The following ASTN2 variants were observed in gnomAD, a reference collection of about 807,000 sequenced individuals.
ASTN2 encodes the protein astrotactin 2.
Under a neutral mutation model 139.8 loss-of-function variants are expected in ASTN2, and 54 were observed. The ratio of observed to expected loss-of-function variants is 0.39; its 90% confidence interval spans 0.31 to 0.48. The LOEUF is 0.48. Among genes scored for constraint, ASTN2 ranks in the 20% least tolerant of loss-of-function variants. The pLI is 0.95. For synonymous variants in ASTN2, 756 were observed against 719.5 expected, an observed-to-expected ratio of 1.05 and a Z score of -0.81; for missense variants, 1,565 against 1,725.1, an observed-to-expected ratio of 0.91 and a Z score of 1.64.
intron 1 of ASTN2, among the ~76,000 whole-genome samples, chr9:117,328,719 T>A (rs1020786168): frequency 7.9e-5 from 12 of 152,198 alleles, no homozygotes; most frequent in African/African-American, 2.9e-4. Context: ...AGGCTAAAGC[T>A]GAATCAGGAC....
chr9:116,491,034 G>T (rs891695430), intron 19 of ASTN2, among the ~76,000 whole-genome samples: 1 of 152,200 alleles, frequency 6.6e-6, no homozygotes, highest in Non-Finnish European at 1.5e-5. Context: ...AGGTCAGTAA[G>T]ACTGGCATGA....
chr9:117,286,214 G>A (rs1834446099), intron 2 of ASTN2, among the ~76,000 whole-genome samples: 2 of 152,154 alleles, frequency 1.3e-5, no homozygotes, highest in South Asian at 4.1e-4. Context: ...AAATGCCAAT[G>A]TGACAATGGC....
intron 19 of ASTN2, among the ~76,000 whole-genome samples, chr9:116,549,365 G>A (rs1852241204): frequency 6.6e-6 from 1 of 152,136 alleles, no homozygotes; most frequent in Non-Finnish European, 1.5e-5. Flanking sequence ...ACTGAGGCAC[G>A]AGCAACTCGG....
At chr9:116,435,117 C>T (rs1847610682) in intron 22 of ASTN2, among the ~76,000 whole-genome samples, 1 of 152,180 alleles carries the variant, frequency 6.6e-6, no homozygotes, top group African/African-American at 2.4e-5. Context: ...TGTGTCTGTT[C>T]TCTGGTCTCT....
At chr9:116,873,139 T>C (rs1396565774) in intron 10 of ASTN2, among the ~76,000 whole-genome samples, 1 of 152,106 alleles carries the variant, frequency 6.6e-6, no homozygotes, top group Non-Finnish European at 1.5e-5. Flanking sequence ...CACTTAATCC[T>C]CCCCCAAAAC....
intron 20 of ASTN2, among the ~76,000 whole-genome samples, chr9:116,464,818 G>C (rs1014374356): frequency 1.3e-5 from 2 of 152,212 alleles, no homozygotes; most frequent in Admixed American, 1.3e-4. Flanking sequence ...TTGCCTATAG[G>C]GATCAACTTA....
chr9:117,216,396 C>A (rs905261247), intron 2 of ASTN2, among the ~76,000 whole-genome samples: 1 of 152,212 alleles, frequency 6.6e-6, no homozygotes, highest in African/African-American at 2.4e-5. Flanking sequence ...GTAGCAGGGG[C>A]CCAAGCCCTG....
At chr9:117,332,443 C>T (rs1477186919) in intron 1 of ASTN2, among the ~76,000 whole-genome samples, 6 of 152,090 alleles carry the variant, frequency 3.9e-5, no homozygotes, top group Non-Finnish European at 5.9e-5. Flanking sequence ...TGGTGGCACA[C>T]GTGTAGTCCG....
intron 17 of ASTN2, among the ~76,000 whole-genome samples, chr9:116,648,055 G>A (rs556749313): frequency 6.6e-6 from 1 of 150,566 alleles, no homozygotes; most frequent in African/African-American, 2.4e-5. Flanking sequence ...AGACTGGAGT[G>A]CAATGGTGCG....
At position 116,820,737 on chromosome 9, in the gene ASTN2, T is replaced by C; in HGVS notation, c.2087A>G (p.Asp696Gly). 1 of 1,614,122 alleles carries C rather than the reference T, an allele frequency of 6.2e-7. No individual in the cohort carries two copies. Among genetic ancestry groups the C allele is most frequent in the Non-Finnish European group, 8.5e-7 (1 of 1,180,014 alleles). Residue 696 changes from aspartate (D) to glycine (G), a missense_variant, in exon 12 of 23, where the codon GAC becomes GGC. By Grantham distance (94) the Asp-to-Gly change is moderately conservative. This residue lies in a region of ASTN2 where 503 missense variants were observed against 591.7 expected (regional missense o/e 0.85). Transcript: ENST00000313400. ...KPMKDGSGCY[D>G]HSKGIDCSDG... ...AGAGCAGTCAATGCCTTTGGAGTGG[T>C]CGTAGCAGCCAGAGCCATCCTTCAT...
chr9:117,095,949 G>T, intron 5 of ASTN2, 95 bp downstream of exon 5: 2 of 1,173,626 alleles, frequency 1.7e-6, no homozygotes, highest in South Asian at 1.3e-5. Flanking sequence ...GACCAGGTTA[G>T]AGAAGATTTA....
intron 2 of ASTN2, among the ~76,000 whole-genome samples, chr9:117,247,655 G>A (rs539567799): frequency 6.6e-6 from 1 of 152,340 alleles, no homozygotes; most frequent in African/African-American, 2.4e-5. Context: ...CTTCCTCACA[G>A]TGGAGGCTGC....
At chr9:116,608,845 A>G (rs1167364048) in intron 19 of ASTN2, among the ~76,000 whole-genome samples, 2 of 152,174 alleles carry the variant, frequency 1.3e-5, no homozygotes, top group African/African-American at 2.4e-5. Flanking sequence ...AAACAAGAAC[A>G]TTAAAAGTTA....
intron 7 of ASTN2, among the ~76,000 whole-genome samples, chr9:116,992,504 G>A (rs566526416): frequency 1.2e-4 from 19 of 152,250 alleles, no homozygotes; most frequent in African/African-American, 4.6e-4. Context: ...AAAAATGAGT[G>A]CCTCCTTGAA....
chr9:116,809,726 T>C (rs1682171749), intron 12 of ASTN2, among the ~76,000 whole-genome samples: 1 of 152,168 alleles, frequency 6.6e-6, no homozygotes, highest in South Asian at 2.1e-4. Context: ...ATATATACGT[T>C]TTGCGAGTTA....
intron 4 of ASTN2, 96 bp from the exon 5 acceptor site, chr9:117,096,247 A>T (rs1587958595): frequency 1.0e-6 from 1 of 971,164 alleles, no homozygotes; most frequent in East Asian, 2.6e-5. Flanking sequence ...CCATCCCCAG[A>T]CTTTTCTCTG....
At chr9:117,303,457 C>A (rs1375356167) in intron 1 of ASTN2, among the ~76,000 whole-genome samples, 2 of 152,108 alleles carry the variant, frequency 1.3e-5, no homozygotes, top group Non-Finnish European at 2.9e-5. Context: ...TACCTGTCCC[C>A]TACCCTCTCC....
At chr9:116,868,883 C>T (rs1210760140) in intron 10 of ASTN2, among the ~76,000 whole-genome samples, 1 of 152,152 alleles carries the variant, frequency 6.6e-6, no homozygotes, top group African/African-American at 2.4e-5. Flanking sequence ...TGTGTGTCCT[C>T]TCCTTTTTTT....
intron 7 of ASTN2, among the ~76,000 whole-genome samples, chr9:116,997,617 T>C (rs1837063166): frequency 6.6e-6 from 1 of 152,194 alleles, no homozygotes; most frequent in Non-Finnish European, 1.5e-5. Context: ...TTTCCTCACA[T>C]GCTAACTCCT....
Sources: allele counts gnomAD v4.1 joint callset (sites outside exome capture counted in the v4.1 genomes callset), GRCh38; gene constraint gnomAD v4.1.1; regional missense constraint gnomAD v4.1.1; transcripts MANE v1.5; gene names NCBI Gene and HGNC (gene_info 2026-07-23, HGNC 2026-07-21).